Variants in ARHGEF3 observed in about 807,000 individuals in gnomAD.
ARHGEF3 encodes the protein Rho guanine nucleotide exchange factor 3.
A neutral mutation model predicts 63.2 loss-of-function variants in ARHGEF3; 28 were observed. The ratio of observed to expected loss-of-function variants is 0.44; its 90% confidence interval spans 0.33 to 0.61. ARHGEF3 has a LOEUF of 0.61. Among genes scored for constraint, ARHGEF3 ranks in the 20% least tolerant of loss-of-function variants. The pLI, the probability that ARHGEF3 is intolerant of heterozygous loss-of-function variation, is 0.03. For missense variants in ARHGEF3, 533 were observed against 659.3 expected, an observed-to-expected ratio of 0.81 and a Z score of 2.10; for synonymous variants, 266 against 254.2, an observed-to-expected ratio of 1.05 and a Z score of -0.44.
At chr3:56,917,213 C>A (rs530234633) in intron 3 of ARHGEF3, among the ~76,000 whole-genome samples, 1 of 152,220 alleles carries the variant, frequency 6.6e-6, no homozygotes, top group Admixed American at 6.5e-5. Context: ...TCCTTCCCCA[C>A]AAACAAACCA....
chr3:56,973,040 G>A (rs1346006763), intron 2 of ARHGEF3, among the ~76,000 whole-genome samples: 21 of 149,386 alleles, frequency 1.4e-4, no homozygotes, highest in African/African-American at 4.7e-4. Flanking sequence ...TTTTTGAGAT[G>A]GAGTCTCGCT....
At chr3:57,074,557 A>G (rs567575647) in intron 1 of ARHGEF3, 272 of 375,382 alleles carry the variant, frequency 7.2e-4, no homozygotes, top group Non-Finnish European at 1.3e-3. Flanking sequence ...AATGACATCA[A>G]TTGATCAATC....
At chr3:56,975,146 G>A (rs763724072) in intron 2 of ARHGEF3, among the ~76,000 whole-genome samples, 5 of 152,042 alleles carry the variant, frequency 3.3e-5, no homozygotes, top group African/African-American at 7.2e-5. Context: ...GGCTGAGTGC[G>A]GTGGCTCACA....
At chr3:56,743,154 C>G (rs942658318) in intron 7 of ARHGEF3, among the ~76,000 whole-genome samples, 2 of 152,214 alleles carry the variant, frequency 1.3e-5, no homozygotes, top group Non-Finnish European at 2.9e-5. Context: ...TGGGCCTCAA[C>G]CCCAGCGACT....
intron 3 of ARHGEF3, among the ~76,000 whole-genome samples, chr3:56,889,301 C>G (rs1320870772): frequency 6.6e-6 from 1 of 152,144 alleles, no homozygotes; most frequent in East Asian, 1.9e-4. Flanking sequence ...TACCCGACAA[C>G]AGATTCTCAG....
At chr3:56,945,921 C>T (rs541617686) in intron 3 of ARHGEF3, among the ~76,000 whole-genome samples, 1 of 152,272 alleles carries the variant, frequency 6.6e-6, no homozygotes, top group East Asian at 1.9e-4. Context: ...GTACTCCTCT[C>T]AGACAAAACT....
chr3:56,957,195 C>T (rs533836556), intron 3 of ARHGEF3, among the ~76,000 whole-genome samples: 20 of 152,320 alleles, frequency 1.3e-4, no homozygotes, highest in Middle Eastern at 3.4e-3. Flanking sequence ...ACATCTATTT[C>T]AGAAGTCAAC....
intron 2 of ARHGEF3, among the ~76,000 whole-genome samples, chr3:56,993,387 G>C (rs1701840686): frequency 6.6e-6 from 1 of 151,726 alleles, no homozygotes; most frequent in Non-Finnish European, 1.5e-5. Context: ...TTTTGTTTTT[G>C]TTTCTGAGAC....
intron 1 of ARHGEF3, among the ~76,000 whole-genome samples, chr3:56,784,634 G>A (rs1170044478): frequency 1.3e-5 from 2 of 152,212 alleles, no homozygotes; most frequent in Non-Finnish European, 2.9e-5. Flanking sequence ...GGTTGGAGAA[G>A]GAGGAAAAGG....
At chr3:56,738,180 A>T (rs934529260) in intron 7 of ARHGEF3, among the ~76,000 whole-genome samples, 1 of 152,172 alleles carries the variant, frequency 6.6e-6, no homozygotes, top group Admixed American at 6.5e-5. Context: ...AGTAGCTGGG[A>T]CTACAGGCAC....
intron 1 of ARHGEF3, among the ~76,000 whole-genome samples, chr3:57,041,827 G>A (rs1337383348): frequency 6.6e-6 from 1 of 152,104 alleles, no homozygotes; most frequent in African/African-American, 2.4e-5. Flanking sequence ...GCCAACATCA[G>A]AACTAAAGGA....
At chr3:56,880,678 C>G (rs2040737304) in intron 4 of ARHGEF3, among the ~76,000 whole-genome samples, 1 of 152,150 alleles carries the variant, frequency 6.6e-6, no homozygotes, top group Non-Finnish European at 1.5e-5. Flanking sequence ...TCTGTAAATT[C>G]TGACAGTCTT....
At chr3:56,826,071 G>A (rs2038703598) in intron 4 of ARHGEF3, among the ~76,000 whole-genome samples, 1 of 152,208 alleles carries the variant, frequency 6.6e-6, no homozygotes, top group Admixed American at 6.5e-5. Flanking sequence ...TTAGAAGGGG[G>A]TAAGCTTGGC....
chr3:56,787,819 A>C (rs550420856), intron 1 of ARHGEF3, among the ~76,000 whole-genome samples: 2 of 152,274 alleles, frequency 1.3e-5, no homozygotes, highest in African/African-American at 4.8e-5. Flanking sequence ...CTCTTAAGTT[A>C]GTGCTATTAA....
intron 3 of ARHGEF3, among the ~76,000 whole-genome samples, chr3:56,899,496 A>T (rs2041433859): frequency 6.6e-6 from 1 of 152,124 alleles, no homozygotes; most frequent in African/African-American, 2.4e-5. Context: ...GTTAGAATTT[A>T]TTTACATTAG....
intron 3 of ARHGEF3, among the ~76,000 whole-genome samples, chr3:56,945,873 C>T (rs537988776): frequency 5.9e-5 from 9 of 152,272 alleles, no homozygotes; most frequent in African/African-American, 2.2e-4. Context: ...CTGGGAGGCA[C>T]CCCCCAGTAC....
chr3:56,750,997 G>T, intron 6 of ARHGEF3, 59 bp downstream of exon 6: 1 of 1,214,632 alleles, frequency 8.2e-7, no homozygotes, highest in South Asian at 2.0e-5. Flanking sequence ...TAGCTAAAAT[G>T]AAACTCCCAT....
intron 3 of ARHGEF3, among the ~76,000 whole-genome samples, chr3:56,911,510 C>A (rs997029290): frequency 1.3e-5 from 2 of 152,076 alleles, no homozygotes; most frequent in African/African-American, 4.8e-5. Flanking sequence ...CCCATTGTTT[C>A]TGTCCCGGTG....
chr3:56,862,541 C>G (rs1254716615), intron 4 of ARHGEF3, among the ~76,000 whole-genome samples: 1 of 150,518 alleles, frequency 6.6e-6, no homozygotes, highest in Non-Finnish European at 1.5e-5. Flanking sequence ...TGAATCTGGG[C>G]CCCCCTCCGC....
Sources: allele counts gnomAD v4.1 joint callset (sites outside exome capture counted in the v4.1 genomes callset), GRCh38; gene constraint gnomAD v4.1.1; transcripts MANE v1.5; gene names NCBI Gene and HGNC (gene_info 2026-07-23, HGNC 2026-07-21).